The following OR1J2 variants were observed in gnomAD, a reference collection of about 807,000 sequenced individuals.
OR1J2 encodes the protein olfactory receptor 1J2.
For synonymous variants in OR1J2, 142 were observed against 99.7 expected (o/e 1.42, Z -2.52); for missense variants, 304 against 246.1 (o/e 1.24, Z -1.57).
chr9:122,454,925 A>G, the OR1J2 span, among the ~76,000 whole-genome samples: 2 of 152,238 alleles, frequency 1.3e-5, no homozygotes, highest in Admixed American at 1.3e-4. Context: ...CTGCCTCTAT[A>G]AAGTTGTCAG....
the OR1J2 span, among the ~76,000 whole-genome samples, chr9:122,558,240 G>T: frequency 8.2e-6 from 1 of 121,514 alleles, no homozygotes; most frequent in African/African-American, 3.1e-5. Context: ...AATTTTTATT[G>T]TTTTTTTCTT....
the OR1J2 span, chr9:122,477,479 C>T: frequency 1.9e-6 from 3 of 1,614,046 alleles, no homozygotes. Flanking sequence ...CAAGCGATGA[C>T]CCAGGACCCA....
At chr9:122,477,372 G>C in the OR1J2 span, 1 of 1,614,084 alleles carries the variant, frequency 6.2e-7, no homozygotes. Context: ...AGGACAACTT[G>C]AGCAGGGCAC....
chr9:122,532,740 T>G, the OR1J2 span, among the ~76,000 whole-genome samples: 1 of 152,112 alleles, frequency 6.6e-6, no homozygotes, highest in Non-Finnish European at 1.5e-5. Flanking sequence ...GGAGACATGA[T>G]GGTCAGCCTA....
downstream of OR1J2, among the ~76,000 whole-genome samples, chr9:122,513,757 C>T (rs774465211): frequency 6.6e-6 from 1 of 152,018 alleles, no homozygotes; most frequent in Non-Finnish European, 1.5e-5. Flanking sequence ...GTGCTCTCAT[C>T]ATTCAACTCC....
the OR1J2 span, among the ~76,000 whole-genome samples, chr9:122,504,019 C>T: frequency 0.051 from 7,772 of 152,236 alleles, 218 homozygotes; most frequent in Middle Eastern, 0.092. Flanking sequence ...TAGGTAAGGG[C>T]TGAGGGACAG....
the OR1J2 span, among the ~76,000 whole-genome samples, chr9:122,562,148 G>A: frequency 6.6e-6 from 1 of 152,348 alleles, no homozygotes; most frequent in Admixed American, 6.5e-5. Context: ...GTTTGGCTGT[G>A]GGGAATATTT....
chr9:122,547,600 T>G, the OR1J2 span, among the ~76,000 whole-genome samples: 1 of 151,060 alleles, frequency 6.6e-6, no homozygotes, highest in Non-Finnish European at 1.5e-5. Context: ...ATTTCATTTT[T>G]TATGGCTGAG....
the OR1J2 span, among the ~76,000 whole-genome samples, chr9:122,504,273 A>C: frequency 2.0e-5 from 3 of 152,106 alleles, no homozygotes; most frequent in African/African-American, 7.2e-5. Context: ...CTGCTTTGCA[A>C]CTCTTCTATT....
chr9:122,454,852 TCTTTAA>T, the OR1J2 span, among the ~76,000 whole-genome samples: 2 of 152,256 alleles, frequency 1.3e-5, no homozygotes, highest in African/African-American at 4.8e-5. Flanking sequence ...TATTTGTTTA[TCTTTAA>T]CTTTAGGTTT....
chr9:122,519,573 G>A, the OR1J2 span: 36 of 1,613,972 alleles, frequency 2.2e-5, 1 homozygote, highest in Middle Eastern at 4.9e-4. Context: ...TAACTTACTA[G>A]TCACTGTGTC....
the OR1J2 span, among the ~76,000 whole-genome samples, chr9:122,557,117 T>C: frequency 6.6e-6 from 1 of 152,172 alleles, no homozygotes; most frequent in Non-Finnish European, 1.5e-5. Flanking sequence ...TTCTTTTAGT[T>C]CCAGAAGAGA....
chr9:122,573,121 A>G, the OR1J2 span, among the ~76,000 whole-genome samples: 1 of 152,288 alleles, frequency 6.6e-6, no homozygotes, highest in Non-Finnish European at 1.5e-5. Flanking sequence ...CATGGGTTTG[A>G]GTTCTGCCCT....
the OR1J2 span, among the ~76,000 whole-genome samples, chr9:122,471,785 C>T: frequency 1.3e-5 from 2 of 152,022 alleles, no homozygotes; most frequent in African/African-American, 2.4e-5. Flanking sequence ...AATTCTGAAA[C>T]AATTACTAAA....
the OR1J2 span, among the ~76,000 whole-genome samples, chr9:122,579,544 C>T: frequency 6.6e-6 from 1 of 152,046 alleles, no homozygotes; most frequent in Non-Finnish European, 1.5e-5. Flanking sequence ...CATTCTATTA[C>T]AAAGGGTATA....
the OR1J2 span, among the ~76,000 whole-genome samples, chr9:122,558,741 A>C: frequency 2.6e-5 from 4 of 151,850 alleles, no homozygotes; most frequent in African/African-American, 4.8e-5. Context: ...TTTGTCCTTT[A>C]AGATTCATGT....
chr9:122,521,373 T>C, the OR1J2 span, among the ~76,000 whole-genome samples: 1 of 152,202 alleles, frequency 6.6e-6, no homozygotes, highest in Non-Finnish European at 1.5e-5. Context: ...TGGCTTGAGC[T>C]AGAACCAAAT....
chr9:122,546,944 T>A, the OR1J2 span, among the ~76,000 whole-genome samples: 1 of 152,166 alleles, frequency 6.6e-6, no homozygotes, highest in East Asian at 1.9e-4. Flanking sequence ...ATCATTTCTT[T>A]CTGTTGGGAA....
chr9:122,576,577 T>C, the OR1J2 span, among the ~76,000 whole-genome samples: 1 of 152,110 alleles, frequency 6.6e-6, no homozygotes, highest in Non-Finnish European at 1.5e-5. Flanking sequence ...AGTTAGGTTG[T>C]TTCCATATCT....
Sources: gnomAD v4.1 joint callset for allele counts (sites outside exome capture counted in the v4.1 genomes callset) on GRCh38, gnomAD v4.1.1 for gene constraint, MANE v1.5 for transcripts, NCBI Gene and HGNC (gene_info 2026-07-23, HGNC 2026-07-21) for gene names.